The following APCDD1 variants were observed in gnomAD, a reference collection of about 807,000 sequenced individuals.
APCDD1 encodes APC down-regulated 1.
In APCDD1, 15 loss-of-function variants were observed where a neutral mutation model predicts 38.1. The ratio of observed to expected loss-of-function variants is 0.39; its 90% confidence interval spans 0.26 to 0.61. The LOEUF is 0.61. Among genes scored for constraint, APCDD1 ranks in the 20% least tolerant of loss-of-function variants. APCDD1 has a pLI of 0.49. For missense variants in APCDD1, 647 were observed against 696.2 expected (o/e 0.93, Z 0.79); for synonymous variants, 261 against 279.7 (o/e 0.93, Z 0.67).
rs186139406 is a variant in APCDD1 at position 10,488,441 on chromosome 18, C to T, written c.*403C>T. 2.1e-5 allele frequency: 4 copies of T among 192,188 alleles called. No homozygotes were observed. The highest frequency in any genetic ancestry group is 4.3e-5 in the Non-Finnish European group (4 of 93,030). 11.9% of individuals were successfully genotyped at this position (192,188 alleles called of 1,614,324 possible). ...CCTGCCATTTTCCTGTGGTTGCAGC[C>T]TGTCTTCCTTTGAAATTGTTTTACT... is the stretch of plus-strand genomic sequence containing the variant. On this transcript the variant is annotated 3_prime_UTR_variant, in exon 5 of 5. Transcript: ENST00000355285.
In APCDD1 at chr18:10,478,933, G is replaced by A. The variant is rs1033708763; in HGVS notation, c.775-6529G>A. On this transcript the variant is annotated intron_variant, in intron 3 of 4. Coordinates refer to ENST00000355285, the MANE Select transcript of APCDD1 (RefSeq NM_153000.5). ...CAAGGCAGGTGGGCGCCCATCATTT[G>A]TGATGAATGCTAGCTACTCCATTTA... is the stretch of plus-strand genomic sequence containing the variant. 3.9e-5 allele frequency among the ~76,000 whole-genome samples: 6 copies of A among 152,184 alleles called. No individual in the cohort carries two copies. The East Asian group carries it at 5.8e-4, about 15-fold the overall frequency.
At chr18:10,464,180 T>C (rs895154989) in intron 1 of APCDD1, among the ~76,000 whole-genome samples, 1 of 152,108 alleles carries the variant, frequency 6.6e-6, no homozygotes, top group Admixed American at 6.6e-5. Flanking sequence ...GAATGACCCA[T>C]ACAAATGCTA....
At position 10,475,891 on chromosome 18, in the gene APCDD1, C is replaced by G; in HGVS notation, c.774+3830C>G. On this transcript the variant is annotated intron_variant, in intron 3 of 4. Transcript: ENST00000355285. The surrounding 1 kb of genome is among the most constrained non-coding windows in gnomAD (Gnocchi z 4.0). ...CTTGTACCTCTTGGCCTGCAGTGTG[C>G]AGCGGAGTCTTCAGGAAGTTTTCAG... 1 of 152,250 alleles carries G rather than the reference C, an allele frequency of 6.6e-6. No individual in the cohort carries two copies. Among genetic ancestry groups the G allele is most frequent in the Non-Finnish European group, 1.5e-5 (1 of 68,132 alleles). The allele number at this position is 152,250 out of a possible 1,614,324, so 9.4% of individuals were successfully genotyped here.
In APCDD1 at chr18:10,468,468, G is replaced by C; in HGVS notation, c.59-1G>C. On this transcript the variant is annotated splice_acceptor_variant, in intron 1 of 4. Transcript: ENST00000355285. LOFTEE classifies it high-confidence loss of function. ...GCTAACTTTCCACCTTTATTTTTCA[G>C]GGCTGGGAGAGGGTTCTGCCCTCCT... The C allele has an allele frequency of 3.7e-6, 6 of 1,614,136 alleles. No individual in the cohort carries two copies. The highest frequency in any genetic ancestry group is 5.1e-6 in the Non-Finnish European group (6 of 1,180,036).
chr18:10,454,643 GC>G lies in APCDD1; in HGVS notation c.-338del. ...CGGCGCGCTGGAAATATGAAGAGACGCTGCAGCTGCGGTGGCGGTGGCGGCC... is the reference window on the plus strand; with the variant it reads ...CGGCGCGCTGGAAATATGAAGAGACGTGCAGCTGCGGTGGCGGTGGCGGCC... On this transcript the variant is annotated 5_prime_UTR_variant, in exon 1 of 5. Transcript: ENST00000355285. 1 of 1,049,190 alleles carries G rather than the reference GC, an allele frequency of 9.5e-7. No individual in the cohort carries two copies. Among genetic ancestry groups the G allele is most frequent in the Non-Finnish European group, 1.2e-6 (1 of 869,160 alleles). 65.0% of individuals were successfully genotyped at this position (1,049,190 alleles called of 1,614,324 possible).
chr18:10,458,167 C>G (rs983692592), intron 1 of APCDD1, among the ~76,000 whole-genome samples: 1 of 152,190 alleles, frequency 6.6e-6, no homozygotes, highest in Non-Finnish European at 1.5e-5. Flanking sequence ...GTGCCTGATT[C>G]TCTTTGCTAA....
Position 10,470,931 on chromosome 18 carries a change from T to C in APCDD1, c.243-599T>C, listed in dbSNP as rs1489327183. 6.6e-6 allele frequency among the ~76,000 whole-genome samples: 1 copy of C among 152,226 alleles called. No individual in the cohort carries two copies. The highest frequency in any genetic ancestry group is 2.4e-5 in the African/African-American group (1 of 41,460). ...GCTTTGCTTTTAGTTAATTGCCCCC[T>C]TTACTTTTCTACTAGAGAGAAAATT... On this transcript the variant is annotated intron_variant, in intron 2 of 4. Coordinates refer to ENST00000355285, the MANE Select transcript of APCDD1 (RefSeq NM_153000.5). This position sits in a 1 kb window ranked among gnomAD's most constrained non-coding sequence, Gnocchi z 4.1.
rs558123821 is a variant in APCDD1 at position 10,458,955 on chromosome 18, G to T, written c.58+3916G>T. Among the ~76,000 whole-genome samples the T allele has an allele frequency of 4.8e-4, 73 of 152,296 alleles. 1 individual carries two copies. The highest frequency in any genetic ancestry group is 1.7e-3 in the African/African-American group (71 of 41,556). On this transcript the variant is annotated intron_variant, in intron 1 of 4. Transcript: ENST00000355285. The stretch of plus-strand genomic sequence containing the variant: ...ATAGGCCATTGCTTAGTCCTCTCCA[G>T]TTTGGGAATAAAATTATTGTGGAAA...
At chr18:10,460,529 T>G in intron 1 of APCDD1, among the ~76,000 whole-genome samples, 1 of 139,840 alleles carries the variant, frequency 7.2e-6, no homozygotes. Context: ...CAAGACTCTG[T>G]CTCAAAAAAA....
chr18:10,485,465 C>G lies in APCDD1; in HGVS notation c.778C>G (p.His260Asp), dbSNP rs991795534. The G allele has an allele frequency of 6.2e-7, 1 of 1,613,956 alleles. No individual in the cohort carries two copies. The highest frequency in any genetic ancestry group is 8.5e-7 in the Non-Finnish European group (1 of 1,180,042). The change falls in exon 4 of 5, where the codon CAC (histidine) becomes GAC (aspartate). Residue 260 changes from histidine to aspartate, a missense_variant. By Grantham distance (81) the His-to-Asp change is moderately conservative. Transcript: ENST00000355285. The surrounding 1 kb of genome is among the most constrained non-coding windows in gnomAD (Gnocchi z 5.8). ...TGTGTTTGTTTCTTGGCTTCAGAAC[C>G]ACGACCATGCCTGCATCGCCTGTCG... ...YQPPLQNAKN[H>D]DHACIACRII...
Position 10,455,003 on chromosome 18 carries a change from C to T in APCDD1, c.22C>T (p.Leu8=), listed in dbSNP as rs752598200. ...GGAAATGTCCTGGCCGCGCCGCCTC[C>T]TGCTCAGATACCTGTTCCCGGCCCT... MSWPRRL[L]LRYLFPALLL... is the part of the protein sequence containing the mutation. Residue 8 remains leucine (L), a synonymous_variant, in exon 1 of 5, where the codon CTG becomes TTG. Coordinates refer to ENST00000355285, the MANE Select transcript of APCDD1 (RefSeq NM_153000.5). 9.6e-6 allele frequency: 15 copies of T among 1,562,130 alleles called. No homozygotes were observed. The highest frequency in any genetic ancestry group is 1.2e-5 in the Non-Finnish European group (14 of 1,153,590).
At position 10,488,054 on chromosome 18, in the gene APCDD1, C is replaced by A. The variant is rs2143568850; in HGVS notation, c.*16C>A. The A allele has an allele frequency of 3.1e-6, 5 of 1,612,682 alleles. No individual in the cohort carries two copies. The highest frequency in any genetic ancestry group is 2.2e-5 in the East Asian group (1 of 44,888). On this transcript the variant is annotated 3_prime_UTR_variant, in exon 5 of 5. Coordinates refer to ENST00000355285, the MANE Select transcript of APCDD1 (RefSeq NM_153000.5). The stretch of plus-strand genomic sequence containing the variant: ...CCGCAGATAGAAGTTTTAGAAAGTT[C>A]TATTTTTCCAAACCAGGATTCCTTA...
At chr18:10,484,502 A>C (rs1049490455) in intron 3 of APCDD1, among the ~76,000 whole-genome samples, 6 of 152,140 alleles carry the variant, frequency 3.9e-5, no homozygotes, top group African/African-American at 1.2e-4. Flanking sequence ...GATCGCATTC[A>C]TGTTATTATA....
In APCDD1 at chr18:10,454,920, C is replaced by A; in HGVS notation, c.-62C>A. On this transcript the variant is annotated 5_prime_UTR_variant, in exon 1 of 5. Transcript: ENST00000355285. ...CCGGAGGCGGAGGGCAGAGCGCGCGCCCAGTTGCCCGGGCACCAAATCGGA... is the reference window on the plus strand; with the variant it reads ...CCGGAGGCGGAGGGCAGAGCGCGCGACCAGTTGCCCGGGCACCAAATCGGA... The A allele has an allele frequency of 6.8e-7, 1 of 1,461,712 alleles. No homozygotes were observed. The highest frequency in any genetic ancestry group is 9.1e-7 in the Non-Finnish European group (1 of 1,101,426). 90.5% of individuals were successfully genotyped at this position (1,461,712 alleles called of 1,614,324 possible). A position where few individuals can be genotyped will look rare whatever the true frequency, so the allele number is the denominator to read the frequency against.
Position 10,485,253 on chromosome 18 carries a change from A to T in APCDD1, c.775-209A>T, listed in dbSNP as rs518978. On this transcript the variant is annotated intron_variant, in intron 3 of 4. Coordinates refer to ENST00000355285, the MANE Select transcript of APCDD1 (RefSeq NM_153000.5). This position sits in a 1 kb window ranked among gnomAD's most constrained non-coding sequence, Gnocchi z 5.8. ...TCCACATCACACCTGAAATGTTTGC[A>T]TAGGTCTGTACTGTCAGGCAAACGT... Among the ~76,000 whole-genome samples, 4 of 151,934 alleles carry T rather than the reference A, an allele frequency of 2.6e-5. No homozygotes were observed. The highest frequency in any genetic ancestry group is 2.6e-4 in the Admixed American group (4 of 15,262).
chr18:10,455,725 C>T (rs925585119), intron 1 of APCDD1, among the ~76,000 whole-genome samples: 2 of 152,194 alleles, frequency 1.3e-5, no homozygotes, highest in Non-Finnish European at 2.9e-5. Context: ...GCTTCCAGTG[C>T]CACTTTTCCC....
chr18:10,461,487 A>G (rs1393717639), intron 1 of APCDD1, among the ~76,000 whole-genome samples: 7 of 152,222 alleles, frequency 4.6e-5, no homozygotes, highest in Non-Finnish European at 8.8e-5. Context: ...GAGAGCTTCA[A>G]GTTTAGACAG....
chr18:10,480,946 TA>T (rs35589370), intron 3 of APCDD1, among the ~76,000 whole-genome samples: 5 of 149,358 alleles, frequency 3.3e-5, no homozygotes, highest in Non-Finnish European at 6.0e-5. Context: ...AAATAAAAAA[TA>T]AAAAAAATTG....
At chr18:10,473,315 T>C (rs2030909676) in intron 3 of APCDD1, among the ~76,000 whole-genome samples, 1 of 152,178 alleles carries the variant, frequency 6.6e-6, no homozygotes, top group African/African-American at 2.4e-5. Flanking sequence ...TCTGGATGAA[T>C]CTTTTCATGG....
Sources: gnomAD v4.1 joint callset for allele counts (sites outside exome capture counted in the v4.1 genomes callset) on GRCh38, gnomAD v4.1.1 for gene constraint, Gnocchi (gnomAD v3.1) non-coding constraint, MANE v1.5 for transcripts, NCBI Gene and HGNC (gene_info 2026-07-23, HGNC 2026-07-21) for gene names.